Variants in NUP155 observed in about 807,000 individuals in gnomAD.
NUP155 encodes the protein nuclear pore complex protein Nup155.
A neutral mutation model predicts 180.4 loss-of-function variants in NUP155; 71 were observed. The ratio of observed to expected loss-of-function variants is 0.39; its 90% confidence interval spans 0.33 to 0.48. The LOEUF (loss-of-function observed/expected upper bound fraction) is 0.48. NUP155 is among the 20% of genes least tolerant of loss of function. NUP155 has a pLI of 0.91. For missense variants in NUP155, 1,553 were observed against 1,648.9 expected, an observed-to-expected ratio of 0.94 and a Z score of 1.01; for synonymous variants, 582 against 559.5, an observed-to-expected ratio of 1.04 and a Z score of -0.57.
intron 23 of NUP155, chr5:37,309,548 A>G: frequency 3.1e-6 from 1 of 325,910 alleles, no homozygotes; most frequent in South Asian, 4.4e-5. Flanking sequence ...AGTCCATGTG[A>G]CACTGATTTA....
chr5:37,303,041 G>T, intron 28 of NUP155, 133 bp from the exon 29 acceptor site: 2 of 1,122,452 alleles, frequency 1.8e-6, no homozygotes, highest in East Asian at 2.5e-5. Context: ...AAAATCATTA[G>T]ATTTAAAAAA....
At chr5:37,320,383 A>T (rs1469007211) in intron 20 of NUP155, among the ~76,000 whole-genome samples, 1 of 152,172 alleles carries the variant, frequency 6.6e-6, no homozygotes, top group African/African-American at 2.4e-5. Context: ...AGGCTGAGGC[A>T]GGAGCATCGC....
chr5:37,323,995 G>A lies in NUP155; in HGVS notation c.2204C>T (p.Pro735Leu), dbSNP rs1176038312. The part of the protein sequence containing the change: ...SQFAGGPLGN[P>L]NTTAKVQQRL... Reference sequence around the variant, plus strand: ...AATAAACCCTATTTATTCTTACTTTGGATTTCCTAATGGTCCTCCTGCAAA... The same window carrying A: ...AATAAACCCTATTTATTCTTACTTTAGATTTCCTAATGGTCCTCCTGCAAA... The change falls in exon 20 of 35, where the codon CCA becomes CTA. Residue 735 changes from proline to leucine, a missense_variant. By Grantham distance (98) the Pro-to-Leu change is moderately conservative. Coordinates refer to ENST00000231498, the MANE Select transcript of NUP155 (RefSeq NM_153485.3). The A allele has an allele frequency of 6.3e-7, 1 of 1,586,260 alleles. No homozygotes were observed. The highest frequency in any genetic ancestry group is 1.3e-5 in the African/African-American group (1 of 74,460).
Position 37,304,697 on chromosome 5 carries a change from CCTT to C in NUP155, c.3162+39_3162+41del, listed in dbSNP as rs746053649. The C allele has an allele frequency of 1.1e-5, 14 of 1,325,160 alleles. No individual in the cohort carries two copies. The South Asian group carries it at 1.7e-4, about 16-fold the overall frequency. The allele number at this position is 1,325,160 out of a possible 1,614,324, so 82.1% of individuals were successfully genotyped here. On this transcript the variant is annotated intron_variant, in intron 27 of 34. Coordinates refer to ENST00000231498, the MANE Select transcript of NUP155 (RefSeq NM_153485.3). ...TGTGCTTAAATCATTGAGTTATGCT[CCTT>C]AAGAATAATTAACACAACTGCAATA...
Position 37,333,531 on chromosome 5 carries a change from T to C in NUP155, c.1450A>G (p.Thr484Ala). 1 of 1,613,988 alleles carries C rather than the reference T, an allele frequency of 6.2e-7. No homozygotes were observed. Among genetic ancestry groups the C allele is most frequent in the Non-Finnish European group, 8.5e-7 (1 of 1,179,884 alleles). The change falls in exon 13 of 35, where the codon ACT (threonine) becomes GCT (alanine). Residue 484 changes from threonine to alanine, a missense_variant. Coordinates refer to ENST00000231498, the MANE Select transcript of NUP155 (RefSeq NM_153485.3). ...TPLNKDHIPITDSPVVVQQHM... is the reference protein window; with the variant it reads ...TPLNKDHIPIADSPVVVQQHM... ...TGCTGTACAACAACTGGTGAATCAG[T>C]TATTGGAATATGATCCTTGTTTAAA...
intron 29 of NUP155, among the ~76,000 whole-genome samples, chr5:37,302,394 G>A (rs1409249237): frequency 6.6e-6 from 1 of 151,134 alleles, no homozygotes; most frequent in African/African-American, 2.5e-5. Context: ...CACCACCCCC[G>A]GCTAATTCTT....
At chr5:37,350,129 G>T in intron 7 of NUP155, 31 bp downstream of exon 7, 6 of 1,464,346 alleles carry the variant, frequency 4.1e-6, no homozygotes, top group Non-Finnish European at 5.7e-6. Context: ...GAAATTAGTT[G>T]TACTTGCCAA....
intron 9 of NUP155, among the ~76,000 whole-genome samples, chr5:37,343,734 T>C (rs897529285): frequency 2.0e-5 from 3 of 150,760 alleles, no homozygotes; most frequent in Non-Finnish European, 4.4e-5. Flanking sequence ...CTACTAAAAA[T>C]ACAAAAAAAT....
In NUP155 at chr5:37,295,913, CG is replaced by C. The variant is rs1361744069; in HGVS notation, c.3794-1449del. 4.5e-3 allele frequency among the ~76,000 whole-genome samples: 654 copies of C among 145,100 alleles called. 6 individuals are homozygous for C. The highest frequency in any genetic ancestry group is 0.016 in the African/African-American group (621 of 38,132). The stretch of plus-strand genomic sequence containing the variant: ...CCCCCGCCTGGCCAGCCGCCCCGTC[CG>C]GGAGGTGAGGGGCGCCTCTGCCCGG... On this transcript the variant is annotated intron_variant, in intron 32 of 34. Coordinates refer to ENST00000231498, the MANE Select transcript of NUP155 (RefSeq NM_153485.3).
chr5:37,292,970 T>G lies in NUP155; in HGVS notation c.3946A>C (p.Arg1316=), dbSNP rs763935392. The G allele has an allele frequency of 2.5e-6, 4 of 1,603,622 alleles. No individual in the cohort carries two copies. In the East Asian group the frequency reaches 9.0e-5, roughly 36 times the overall value. Residue 1316 remains arginine, a synonymous_variant, in exon 34 of 35, where the codon AGA becomes CGA. Coordinates refer to ENST00000231498, the MANE Select transcript of NUP155 (RefSeq NM_153485.3). ...LFKSRDPFWN[R]MKKPLHLLDC... ...AAAAGGTGCAGTGGCTTCTTCATTC[T>G]GTTCCAGAATGGATCCTATGAAGAA... is the stretch of plus-strand genomic sequence containing the variant.
intron 9 of NUP155, 151 bp from the exon 10 acceptor site, chr5:37,342,797 C>T (rs1341287452): frequency 8.1e-6 from 5 of 615,946 alleles, no homozygotes; most frequent in Admixed American, 4.7e-5. Context: ...AGGAGAGTGG[C>T]GTGATCTCGG....
At chr5:37,308,875 C>CAAAAAAAA (rs59572976) in intron 24 of NUP155, among the ~76,000 whole-genome samples, 4 of 68,862 alleles carry the variant, frequency 5.8e-5, no homozygotes, top group African/African-American at 2.6e-4. Flanking sequence ...GCGAGACTCT[C>CAAAAAAAA]AAAAAAAAAA....
At chr5:37,342,703 A>C (rs1375270895) in intron 9 of NUP155, 57 bp from the exon 10 acceptor site, 1 of 1,113,740 alleles carries the variant, frequency 9.0e-7, no homozygotes, top group Admixed American at 1.7e-5. Context: ...AAATTATAAG[A>C]AATATTTCCC....
At chr5:37,329,357 G>T in intron 15 of NUP155, 79 bp from the exon 16 acceptor site, 1 of 1,111,218 alleles carries the variant, frequency 9.0e-7, no homozygotes, top group Non-Finnish European at 1.4e-6. Context: ...TCCTTTTCCT[G>T]TTTAGCTTCC....
chr5:37,315,327 C>A (rs568786636), intron 21 of NUP155, among the ~76,000 whole-genome samples: 83 of 152,284 alleles, frequency 5.5e-4, no homozygotes, highest in Non-Finnish European at 9.3e-4. Context: ...TTAAATGGCA[C>A]AAAAAGTTCA....
intron 2 of NUP155, 24 bp downstream of exon 2, chr5:37,364,223 A>G (rs368738804): frequency 6.3e-7 from 1 of 1,575,372 alleles, no homozygotes; most frequent in East Asian, 2.3e-5. Flanking sequence ...ACATTTTTAA[A>G]ATAAATACAA....
intron 32 of NUP155, among the ~76,000 whole-genome samples, chr5:37,296,289 G>A (rs1296971840): frequency 1.3e-5 from 2 of 152,112 alleles, no homozygotes; most frequent in Non-Finnish European, 2.9e-5. Context: ...TGTCTGTATA[G>A]AAAGAGGTAG....
rs1744847391 is a variant in NUP155 at position 37,329,966 on chromosome 5, C to T, written c.1724+72G>A. 7 of 1,075,276 alleles carry T rather than the reference C, an allele frequency of 6.5e-6. No individual in the cohort carries two copies. In the South Asian group the frequency reaches 9.4e-5, roughly 14 times the overall value. The allele number at this position is 1,075,276 out of a possible 1,614,324, so 66.6% of individuals were successfully genotyped here. A position where few individuals can be genotyped will look rare whatever the true frequency, so the allele number is the denominator to read the frequency against. ...TCAACTGTTTGGCAAGGCTTTATCACATTGATAAAATCATTTTAAAAAGTG... is the reference window on the plus strand; with the variant it reads ...TCAACTGTTTGGCAAGGCTTTATCATATTGATAAAATCATTTTAAAAAGTG... On this transcript the variant is annotated intron_variant, in intron 15 of 34. Coordinates refer to ENST00000231498, the MANE Select transcript of NUP155 (RefSeq NM_153485.3).
intron 19 of NUP155, among the ~76,000 whole-genome samples, chr5:37,325,388 C>T (rs1744524958): frequency 6.6e-6 from 1 of 152,146 alleles, no homozygotes; most frequent in South Asian, 2.1e-4. Context: ...GTAATTTACT[C>T]ATATTCAGAC....
Sources: allele counts gnomAD v4.1 joint callset (sites outside exome capture counted in the v4.1 genomes callset), GRCh38; gene constraint gnomAD v4.1.1; transcripts MANE v1.5; gene names NCBI Gene and HGNC (gene_info 2026-07-23, HGNC 2026-07-21).